Variants in ADAMTS12 observed in about 807,000 individuals in gnomAD.
ADAMTS12 encodes the protein ADAM metallopeptidase with thrombospondin type 1 motif 12.
In ADAMTS12, 118 loss-of-function variants were observed where a neutral mutation model predicts 167.8. The ratio of observed to expected loss-of-function variants is 0.70; its 90% CI spans 0.61 to 0.82. The LOEUF is 0.82. Ranked by LOEUF, ADAMTS12 falls within the 40% of genes least tolerant of loss-of-function variation. The probability of loss-of-function intolerance (pLI) is 0.00; values close to 1 mark genes in which losing one functional copy is unlikely to be tolerated. For missense variants in ADAMTS12, 1,916 were observed against 1,998.8 expected (o/e 0.96, Z 0.79); for synonymous variants, 704 against 716.9 (o/e 0.98, Z 0.29).
At chr5:33,610,646 G>A (rs1332449325) in intron 16 of ADAMTS12, among the ~76,000 whole-genome samples, 1 of 152,162 alleles carries the variant, frequency 6.6e-6, no homozygotes, top group Non-Finnish European at 1.5e-5. Context: ...AAATACGGAG[G>A]TAATGAGGGA....
intron 12 of ADAMTS12, among the ~76,000 whole-genome samples, chr5:33,634,377 G>T (rs183311869): frequency 2.0e-4 from 31 of 152,198 alleles, no homozygotes; most frequent in Middle Eastern, 3.4e-3. Context: ...GTAAGGGAAG[G>T]CCAAAACGGG....
intron 17 of ADAMTS12, among the ~76,000 whole-genome samples, chr5:33,595,156 CT>C (rs907809724): frequency 1.3e-5 from 2 of 151,606 alleles, no homozygotes; most frequent in Admixed American, 1.3e-4. Context: ...TTTTTCCTTT[CT>C]TTTTTTTCTC....
chr5:33,562,212 C>T (rs1426667116), intron 19 of ADAMTS12, among the ~76,000 whole-genome samples: 2 of 152,156 alleles, frequency 1.3e-5, no homozygotes, highest in Admixed American at 6.5e-5. Flanking sequence ...AGATCACACT[C>T]GGAGTTAGAA....
Position 33,856,121 on chromosome 5 carries a change from G to A in ADAMTS12, c.489+24998C>T, listed in dbSNP as rs145679924. Among the ~76,000 whole-genome samples the A allele has an allele frequency of 1.5e-3, 226 of 152,268 alleles. 2 individuals carry two copies. Among genetic ancestry groups the A allele is most frequent in the African/African-American group, 5.2e-3 (217 of 41,532 alleles). The stretch of plus-strand genomic sequence containing the variant: ...ATAGAAGCAAAACCTGAATGATTTC[G>A]AGAAATAGACACAGACTTATTCTTC... On this transcript the variant is annotated intron_variant, in intron 2 of 23. Transcript: ENST00000504830.
chr5:33,771,305 T>A (rs1251280958), intron 2 of ADAMTS12, among the ~76,000 whole-genome samples: 1 of 152,170 alleles, frequency 6.6e-6, no homozygotes, highest in Admixed American at 6.5e-5. Context: ...TGAAAAATAA[T>A]TACAATGGGT....
At chr5:33,575,571 T>C (rs1746651632) in intron 19 of ADAMTS12, among the ~76,000 whole-genome samples, 1 of 152,198 alleles carries the variant, frequency 6.6e-6, no homozygotes, top group Admixed American at 6.5e-5. Context: ...TAGCTTCCCT[T>C]TCCAATGACA....
chr5:33,878,684 C>A (rs190364357), intron 2 of ADAMTS12, among the ~76,000 whole-genome samples: 4 of 152,282 alleles, frequency 2.6e-5, no homozygotes, highest in African/African-American at 9.6e-5. Context: ...CAATACCACC[C>A]ATTAACACCC....
intron 5 of ADAMTS12, among the ~76,000 whole-genome samples, chr5:33,667,317 CAAAAAAAAAA>C (rs5867201): frequency 7.7e-5 from 6 of 78,390 alleles, no homozygotes; most frequent in Non-Finnish European, 2.4e-5. Flanking sequence ...GACTCTGTCT[CAAAAAAAAAA>C]AAAAAAAAAA....
At chr5:33,817,590 AT>A (rs772585401) in intron 2 of ADAMTS12, among the ~76,000 whole-genome samples, 14 of 152,234 alleles carry the variant, frequency 9.2e-5, no homozygotes, top group Middle Eastern at 3.4e-3. Flanking sequence ...ATCTCATTTA[AT>A]CTATACCCAC....
intron 3 of ADAMTS12, among the ~76,000 whole-genome samples, chr5:33,742,330 T>TAAA (rs3037104): frequency 3.7e-5 from 5 of 134,742 alleles, no homozygotes; most frequent in East Asian, 2.2e-4. Flanking sequence ...TCCTTCCCCG[T>TAAA]AAAAAAAAAA....
intron 2 of ADAMTS12, among the ~76,000 whole-genome samples, chr5:33,800,541 A>G (rs748057091): frequency 6.6e-6 from 1 of 152,186 alleles, no homozygotes; most frequent in Non-Finnish European, 1.5e-5. Flanking sequence ...CAATTCTCAC[A>G]ATTTGAAGGT....
At chr5:33,836,761 G>A (rs777051425) in intron 2 of ADAMTS12, among the ~76,000 whole-genome samples, 8 of 152,262 alleles carry the variant, frequency 5.3e-5, no homozygotes, top group South Asian at 2.1e-4. Flanking sequence ...AAATGTCCGC[G>A]CCACAGACAG....
At chr5:33,697,246 A>C (rs1742814217) in intron 3 of ADAMTS12, among the ~76,000 whole-genome samples, 1 of 152,232 alleles carries the variant, frequency 6.6e-6, no homozygotes, top group South Asian at 2.1e-4. Context: ...TAATCTCAAG[A>C]TGTTCTCTCA....
At chr5:33,624,652 T>A (rs1026589704) in intron 13 of ADAMTS12, among the ~76,000 whole-genome samples, 1 of 152,154 alleles carries the variant, frequency 6.6e-6, no homozygotes, top group Non-Finnish European at 1.5e-5. Flanking sequence ...TATGAAAACA[T>A]CTTGGAGTTG....
At chr5:33,709,701 G>A (rs1332398532) in intron 3 of ADAMTS12, among the ~76,000 whole-genome samples, 1 of 151,930 alleles carries the variant, frequency 6.6e-6, no homozygotes, top group Non-Finnish European at 1.5e-5. Flanking sequence ...ATGGGGGATT[G>A]TTGTGGGGGG....
chr5:33,667,500 C>T (rs1487848942), intron 5 of ADAMTS12, among the ~76,000 whole-genome samples: 1 of 151,874 alleles, frequency 6.6e-6, no homozygotes, highest in African/African-American at 2.4e-5. Context: ...TTATATGCAC[C>T]TCAAAGACTA....
intron 3 of ADAMTS12, among the ~76,000 whole-genome samples, chr5:33,726,872 T>G (rs1744000379): frequency 6.6e-6 from 1 of 152,076 alleles, no homozygotes; most frequent in Admixed American, 6.5e-5. Flanking sequence ...GTGCCCTCAC[T>G]CTGAAGCCAT....
chr5:33,674,566 T>C (rs2112243850), intron 5 of ADAMTS12, among the ~76,000 whole-genome samples: 1 of 152,256 alleles, frequency 6.6e-6, no homozygotes, highest in Middle Eastern at 3.4e-3. Context: ...TTGCTTACAA[T>C]CTGTTTTAAA....
intron 5 of ADAMTS12, among the ~76,000 whole-genome samples, chr5:33,664,349 A>ACACCAAATG (rs1412859651): frequency 6.6e-6 from 1 of 152,174 alleles, no homozygotes; most frequent in African/African-American, 2.4e-5. Context: ...CAGACAGGAA[A>ACACCAAATG]CACCAAATGT....
Sources: gnomAD v4.1 joint callset for allele counts (sites outside exome capture counted in the v4.1 genomes callset) on GRCh38, gnomAD v4.1.1 for gene constraint, MANE v1.5 for transcripts, NCBI Gene and HGNC (gene_info 2026-07-23, HGNC 2026-07-21) for gene names.